Variants in PDE3A observed in about 807,000 individuals in gnomAD.
PDE3A encodes phosphodiesterase 3A.
In PDE3A, 43 loss-of-function variants were observed where a neutral mutation model predicts 98.3. The observed-to-expected ratio is 0.44, with a 90% CI of 0.34 to 0.56. The LOEUF (loss-of-function observed/expected upper bound fraction) is 0.56. PDE3A is among the 20% of genes least tolerant of loss of function. The pLI, the probability that PDE3A is intolerant of heterozygous loss-of-function variation, is 0.01. For missense variants in PDE3A, 1,427 were observed against 1,440.7 expected, an observed-to-expected ratio of 0.99 and a Z score of 0.15; for synonymous variants, 663 against 567.9, an observed-to-expected ratio of 1.17 and a Z score of -2.38.
intron 1 of PDE3A, among the ~76,000 whole-genome samples, chr12:20,418,620 TTC>T (rs1196011590): frequency 6.6e-6 from 1 of 152,216 alleles, no homozygotes; most frequent in African/African-American, 2.4e-5. Context: ...TATTGCCGAT[TTC>T]TCTCTTTCTG....
At chr12:20,620,155 T>C (rs963990124) in intron 4 of PDE3A, among the ~76,000 whole-genome samples, 6 of 152,074 alleles carry the variant, frequency 3.9e-5, no homozygotes, top group Admixed American at 2.0e-4. Flanking sequence ...AATTATATCG[T>C]ATTAATTATA....
At chr12:20,458,978 G>T (rs968280819) in intron 1 of PDE3A, among the ~76,000 whole-genome samples, 1 of 152,100 alleles carries the variant, frequency 6.6e-6, no homozygotes, top group Non-Finnish European at 1.5e-5. Context: ...ATATGTAAGG[G>T]TATAAAAATA....
chr12:20,643,536 A>G (rs1317714087), intron 10 of PDE3A, among the ~76,000 whole-genome samples: 1 of 152,198 alleles, frequency 6.6e-6, no homozygotes, highest in African/African-American at 2.4e-5. Context: ...TCTTCAATCT[A>G]AGTGATTGAT....
Position 20,369,821 on chromosome 12 carries a change from C to A in PDE3A, c.537C>A (p.Gly179=), listed in dbSNP as rs778995685. The part of the protein sequence containing the change: ...GGEALVQIGL[G]VGEDHLLSLP... ...AAGCGCTCGTCCAGATTGGGCTGGG[C>A]GTCGGGGAGGATCACTTACTCTCAC... The change falls in exon 1 of 16, where the codon GGC becomes GGA. Residue 179 remains glycine, a synonymous_variant. Coordinates refer to ENST00000359062, the MANE Select transcript of PDE3A (RefSeq NM_000921.5). 4.3e-6 allele frequency: 7 copies of A among 1,611,486 alleles called. No individual in the cohort carries two copies. The East Asian group carries it at 1.3e-4, about 31-fold the overall frequency.
At chr12:20,594,589 G>A (rs1467899091) in intron 2 of PDE3A, among the ~76,000 whole-genome samples, 1 of 151,308 alleles carries the variant, frequency 6.6e-6, no homozygotes, top group African/African-American at 2.4e-5. Context: ...GTTAGAAAAT[G>A]AGTATGAAAT....
chr12:20,487,965 A>G (rs552143636), intron 1 of PDE3A, among the ~76,000 whole-genome samples: 3 of 152,276 alleles, frequency 2.0e-5, no homozygotes, highest in Admixed American at 2.0e-4. Context: ...TTATGTTTTT[A>G]TGTTTCTTCA....
chr12:20,585,546 C>T (rs1943172038), intron 2 of PDE3A, among the ~76,000 whole-genome samples: 1 of 152,212 alleles, frequency 6.6e-6, no homozygotes, highest in African/African-American at 2.4e-5. Flanking sequence ...CATTTGCCAA[C>T]TGAGAGACCT....
At chr12:20,537,708 G>C (rs889891734) in intron 1 of PDE3A, among the ~76,000 whole-genome samples, 3 of 151,964 alleles carry the variant, frequency 2.0e-5, no homozygotes, top group Non-Finnish European at 4.4e-5. Context: ...GTCTAGCCCA[G>C]CATTTCCAAA....
At chr12:20,464,370 T>C (rs185546877) in intron 1 of PDE3A, among the ~76,000 whole-genome samples, 140 of 152,290 alleles carry the variant, frequency 9.2e-4, no homozygotes, top group Non-Finnish European at 1.7e-3. Flanking sequence ...CTTAACAAGG[T>C]TCACTGTCAC....
chr12:20,409,696 G>A (rs1410397173), intron 1 of PDE3A, among the ~76,000 whole-genome samples: 4 of 152,108 alleles, frequency 2.6e-5, no homozygotes, highest in African/African-American at 7.2e-5. Flanking sequence ...CAAATGTTTA[G>A]TCACTACTGA....
rs1029963643 is a variant in PDE3A at position 20,369,915 on chromosome 12, G to C, written c.631G>C (p.Gly211Arg). The change falls in exon 1 of 16, where the codon GGC becomes CGC. Residue 211 changes from glycine to arginine, a missense_variant. Transcript: ENST00000359062. ...ATWLVLRLRL[G>R]VLMIALTSAV... Reference sequence around the variant, plus strand: ...ATGGCTGGTGCTGAGGCTGAGGCTGGGCGTCCTCATGATCGCCTTGACTAG... The same window carrying C: ...ATGGCTGGTGCTGAGGCTGAGGCTGCGCGTCCTCATGATCGCCTTGACTAG... 32 of 1,613,368 alleles carry C rather than the reference G, an allele frequency of 2.0e-5. No individual in the cohort carries two copies. Among genetic ancestry groups the C allele is most frequent in the Non-Finnish European group, 2.7e-5 (32 of 1,180,004 alleles).
intron 1 of PDE3A, among the ~76,000 whole-genome samples, chr12:20,376,249 A>C (rs981584799): frequency 1.3e-5 from 2 of 151,888 alleles, no homozygotes; most frequent in African/African-American, 4.8e-5. Context: ...GATTTTAGAG[A>C]GAAGGAAACT....
At chr12:20,465,632 A>AACTCCTGACCCCGTAATCTGCC (rs1353654497) in intron 1 of PDE3A, among the ~76,000 whole-genome samples, 4 of 152,094 alleles carry the variant, frequency 2.6e-5, no homozygotes, top group Admixed American at 2.6e-4. Flanking sequence ...GCTGATCTGG[A>AACTCCTGACCCCGTAATCTGCC]ACTCCTGACC....
chr12:20,648,049 C>T (rs1217123283), intron 12 of PDE3A, among the ~76,000 whole-genome samples: 2 of 151,548 alleles, frequency 1.3e-5, no homozygotes, highest in Admixed American at 6.6e-5. Context: ...AAACTTCTCT[C>T]TGCATTATTA....
chr12:20,369,318 G>A lies in PDE3A; in HGVS notation c.34G>A (p.Asp12Asn), dbSNP rs12305038. 0.31 allele frequency: 472,012 copies of A among 1,544,406 alleles called. 74,230 individuals are homozygous for A. Among genetic ancestry groups the A allele is most frequent in the African/African-American group, 0.48 (34,666 of 72,948 alleles). The change falls in exon 1 of 16, where the codon GAC becomes AAC. Residue 12 changes from aspartate to asparagine, a missense_variant. By Grantham distance (23) the Asp-to-Asn change is conservative. Transcript: ENST00000359062. ...AVPGDAARVRDKPVHSGVSQA... is the reference protein window; with the variant it reads ...AVPGDAARVRNKPVHSGVSQA... ...GCCCGGCGACGCTGCACGAGTCAGG[G>A]ACAAGCCCGTCCACAGTGGGGTGAG...
intron 2 of PDE3A, among the ~76,000 whole-genome samples, chr12:20,571,299 A>G (rs770460230): frequency 2.6e-5 from 4 of 152,156 alleles, no homozygotes; most frequent in Non-Finnish European, 5.9e-5. Context: ...TACTGTGTTG[A>G]AAGACAGGGA....
At chr12:20,397,836 C>A (rs944876263) in intron 1 of PDE3A, among the ~76,000 whole-genome samples, 4 of 151,924 alleles carry the variant, frequency 2.6e-5, no homozygotes, top group Non-Finnish European at 4.4e-5. Flanking sequence ...TTCTTAGATG[C>A]TAACAAAACT....
intron 1 of PDE3A, among the ~76,000 whole-genome samples, chr12:20,516,839 G>C (rs939974143): frequency 6.6e-6 from 1 of 152,178 alleles, no homozygotes; most frequent in Non-Finnish European, 1.5e-5. Flanking sequence ...AATTTACATT[G>C]AGATAAGTTT....
At chr12:20,636,596 A>T (rs1944519468) in intron 8 of PDE3A, among the ~76,000 whole-genome samples, 1 of 152,192 alleles carries the variant, frequency 6.6e-6, no homozygotes, top group African/African-American at 2.4e-5. Context: ...GTCCATTTTA[A>T]AGCATTAATA....
Sources: allele counts gnomAD v4.1 joint callset (sites outside exome capture counted in the v4.1 genomes callset), GRCh38; gene constraint gnomAD v4.1.1; transcripts MANE v1.5; gene names NCBI Gene and HGNC (gene_info 2026-07-23, HGNC 2026-07-21).